CPSF1: variants seen among roughly 807,000 people sequenced by gnomAD.
The protein encoded by CPSF1 is cleavage and polyadenylation specific factor 1, also known as cleavage and polyadenylation specificity factor subunit 1.
A neutral mutation model predicts 175.8 loss-of-function variants in CPSF1; 106 were observed. That is an observed-to-expected ratio of 0.60 (90% CI 0.52 to 0.71). CPSF1 has a LOEUF of 0.71. Among genes scored for constraint, CPSF1 ranks in the 30% least tolerant of loss-of-function variants. CPSF1 has a pLI of 0.00. For missense variants in CPSF1, 1,734 were observed against 2,022.9 expected (o/e 0.86, Z 2.74); for synonymous variants, 1,024 against 858.3 (o/e 1.19, Z -3.37).
At position 144,399,370 on chromosome 8, in the gene CPSF1, G is replaced by C; in HGVS notation, c.1298C>G (p.Ala433Gly). ...CTCATCCTGCGGCACCGACTTACCC[G>C]CAGCTGCACACAGAGAGCCCACTTG... ...RVDATAGWSA[A>G]GKSVPQDEVD... Residue 433 changes from alanine to glycine, a missense_variant, in exon 14 of 38, where the codon GCG becomes GGG. By Grantham distance (60) the Ala-to-Gly change is moderately conservative. Transcript: ENST00000616140. The surrounding 1 kb of genome is among the most constrained non-coding windows in gnomAD (Gnocchi z 6.4). 1.2e-6 allele frequency: 2 copies of C among 1,612,722 alleles called. No homozygotes were observed. The highest frequency in any genetic ancestry group is 1.7e-6 in the Non-Finnish European group (2 of 1,179,954).
chr8:144,401,391 C>T (rs2116884129), intron 4 of CPSF1, 39 bp downstream of exon 4: 25 of 1,612,732 alleles, frequency 1.6e-5, no homozygotes, highest in African/African-American at 6.7e-5. Context: ...CCCACTCCCA[C>T]GCCTTGGCCA....
chr8:144,400,778 C>G lies in CPSF1; in HGVS notation c.579G>C (p.Val193=), dbSNP rs141356511. Residue 193 remains valine, a synonymous_variant, in exon 7 of 38, where the codon GTG becomes GTC. Coordinates refer to ENST00000616140, the MANE Select transcript of CPSF1 (RefSeq NM_013291.3). ...TGAGCAGCTTCTCGTCTAGGGCCCG[C>G]ACGTCGATGATGTAGCTGGGCAGGA... ...SSFLPSYIID[V]RALDEKLLNI... is the part of the protein sequence containing the mutation. 8 of 1,613,894 alleles carry G rather than the reference C, an allele frequency of 5.0e-6. No homozygotes were observed. The highest frequency in any genetic ancestry group is 2.2e-5 in the East Asian group (1 of 44,880).
intron 2 of CPSF1, among the ~76,000 whole-genome samples, chr8:144,404,505 AC>A (rs1280382658): frequency 6.6e-6 from 1 of 150,624 alleles, no homozygotes; most frequent in African/African-American, 2.4e-5. Flanking sequence ...AGCTGGGACT[AC>A]AAGCGCCCAC....
chr8:144,400,145 C>CCG (rs1554866088), intron 9 of CPSF1, 21 bp downstream of exon 9: 31 of 1,367,632 alleles, frequency 2.3e-5, no homozygotes, highest in East Asian at 1.2e-4. Context: ...GCCCCCCCCG[C>CCG]CCCAGCCACC....
chr8:144,396,085 C>T (rs1586613438), intron 26 of CPSF1: 2 of 537,336 alleles, frequency 3.7e-6, no homozygotes, highest in East Asian at 6.2e-5. Flanking sequence ...GGAGGCCAGG[C>T]CCTGCGAGGG....
rs782559336 is a variant in CPSF1, at chr8:144,393,942, G to GC, written c.3955dup (p.Ala1319GlyfsTer3). The GC allele has an allele frequency of 1.5e-5, 24 of 1,613,534 alleles. No homozygotes were observed. The highest frequency in any genetic ancestry group is 1.8e-5 in the Non-Finnish European group (21 of 1,179,848). ...CGACTTTTTGCTGAGCCCTTCAGTG[G>GC]CCCCCCGGCACGGGGTCCTCCAGAA... On this transcript the variant is annotated frameshift_variant, in exon 35 of 38. Coordinates refer to ENST00000616140, the MANE Select transcript of CPSF1 (RefSeq NM_013291.3). LOFTEE classifies it high-confidence loss of function.
At position 144,399,808 on chromosome 8, in the gene CPSF1, C is replaced by T; in HGVS notation, c.1092G>A (p.Lys364=). 6.4e-7 allele frequency: 1 copy of T among 1,561,854 alleles called. No individual in the cohort carries two copies. Residue 364 remains lysine, a synonymous_variant, in exon 11 of 38, where the codon AAG becomes AAA. Coordinates refer to ENST00000616140, the MANE Select transcript of CPSF1 (RefSeq NM_013291.3). The surrounding 1 kb of genome is among the most constrained non-coding windows in gnomAD (Gnocchi z 6.4). ...TGGTGGTGAGGACGCTGGCGGCCGC[C>T]TTGTCAAAGTGGAACGCTCGGACAC... ...MRSVRAFHFD[K]AAASVLTTSM... is the part of the protein sequence containing the mutation.
chr8:144,408,948 T>A (rs112709618), intron 2 of CPSF1, 67 bp downstream of exon 2: 18 of 1,574,180 alleles, frequency 1.1e-5, no homozygotes, highest in African/African-American at 9.5e-5. Context: ...CTCTTCCATC[T>A]GCAACCGGGG....
At chr8:144,402,078 T>C (rs1821239183) in intron 2 of CPSF1, among the ~76,000 whole-genome samples, 1 of 152,198 alleles carries the variant, frequency 6.6e-6, no homozygotes, top group Non-Finnish European at 1.5e-5. Flanking sequence ...CCAAGGGGTA[T>C]CTGTAGCTAC....
rs2116854832 is a variant in CPSF1 at position 144,398,787 on chromosome 8, T to C, written c.1630A>G (p.Lys544Glu). ...DMWTVIAPVRKEEEDNPKGEG... is the reference protein window; with the variant it reads ...DMWTVIAPVREEEEDNPKGEG... ...AGCAGGCTCGCACCTACCTCCTCCT[T>C]ACGCACCGGGGCGATGACTGTCCAC... is the stretch of plus-strand genomic sequence containing the variant. The change falls in exon 17 of 38, where the codon AAG becomes GAG. Residue 544 changes from lysine (K) to glutamate (E), a missense_variant. Lys to Glu is a moderately conservative substitution (Grantham distance 56). Coordinates refer to ENST00000616140, the MANE Select transcript of CPSF1 (RefSeq NM_013291.3). 49 of 1,598,280 alleles carry C rather than the reference T, an allele frequency of 3.1e-5. No homozygotes were observed. The highest frequency in any genetic ancestry group is 4.0e-5 in the African/African-American group (3 of 74,648).
Position 144,401,238 on chromosome 8 carries a change from C to T in CPSF1, c.360G>A (p.Leu120=). ...PGTHDLKTLS[L]HYFEEPELRD... ...GAAGCTCAGGCTCCTCAAAGTAGTG[C>T]AGTGACAGGGTCTTCAGGTCATGGG... The change falls in exon 5 of 38, where the codon CTG becomes CTA. Residue 120 remains leucine (L), a synonymous_variant. Coordinates refer to ENST00000616140, the MANE Select transcript of CPSF1 (RefSeq NM_013291.3). 2 of 1,551,316 alleles carry T rather than the reference C, an allele frequency of 1.3e-6. No homozygotes were observed. Among genetic ancestry groups the T allele is most frequent in the Non-Finnish European group, 1.7e-6 (2 of 1,147,308 alleles).
rs1820976958 is a variant in CPSF1, at chr8:144,398,878, T to G, written c.1549-10A>C. 6.2e-7 allele frequency: 1 copy of G among 1,610,146 alleles called. No homozygotes were observed. Among genetic ancestry groups the G allele is most frequent in the African/African-American group, 1.3e-5 (1 of 74,828 alleles). ...GGGGCCGGATGCTCTTCTAGAATGA[T>G]GATGGGGTGGGGGTGTGATGGGGGT... On this transcript the variant is annotated splice_polypyrimidine_tract_variant and intron_variant, in intron 16 of 37. Transcript: ENST00000616140.
At chr8:144,403,826 A>T (rs1821353219) in intron 2 of CPSF1, among the ~76,000 whole-genome samples, 1 of 151,932 alleles carries the variant, frequency 6.6e-6, no homozygotes, top group African/African-American at 2.4e-5. Context: ...CAAGGATTAT[A>T]GACATGAGCC....
At chr8:144,400,526 G>A (rs1554866342) in intron 7 of CPSF1, 33 bp from the exon 8 acceptor site, 1 of 1,611,068 alleles carries the variant, frequency 6.2e-7, no homozygotes, top group East Asian at 2.2e-5. Context: ...CAAGGGCCTT[G>A]CCTCCCCGCA....
Position 144,398,316 on chromosome 8 carries a change from C to T in CPSF1, c.1880G>A (p.Arg627His), listed in dbSNP as rs1586620059. The T allele has an allele frequency of 3.2e-6, 5 of 1,577,456 alleles. No individual in the cohort carries two copies. The highest frequency in any genetic ancestry group is 4.3e-6 in the Non-Finnish European group (5 of 1,157,316). The change falls in exon 19 of 38, where the codon CGC (arginine) becomes CAC (histidine). Residue 627 changes from arginine (R) to histidine (H), a missense_variant. Coordinates refer to ENST00000616140, the MANE Select transcript of CPSF1 (RefSeq NM_013291.3). ...CCCCCACCTACCTCCTTCCAGCAGGCGGATGCCCAGTGGTGACACTTGGAC... is the reference window on the plus strand; with the variant it reads ...CCCCCACCTACCTCCTTCCAGCAGGTGGATGCCCAGTGGTGACACTTGGAC... ...YIVQVSPLGI[R>H]LLEGVNQLHF...
chr8:144,395,275 G>A lies in CPSF1; in HGVS notation c.3177C>T (p.Thr1059=). 6.2e-7 allele frequency: 1 copy of A among 1,613,098 alleles called. No homozygotes were observed. The highest frequency in any genetic ancestry group is 8.5e-7 in the Non-Finnish European group (1 of 1,179,964). ...RMTGEEKEFE[T]IERDERYIHP... ...TGTGGGCGTCACCACCTCTCTCGATGGTCTCAAACTCCTTCTCCTCGCCAG... is the reference window on the plus strand; with the variant it reads ...TGTGGGCGTCACCACCTCTCTCGATAGTCTCAAACTCCTTCTCCTCGCCAG... The change falls in exon 28 of 38, where the codon ACC becomes ACT. Residue 1059 remains threonine, a synonymous_variant. Transcript: ENST00000616140.
Position 144,399,590 on chromosome 8 carries a change from T to C in CPSF1, c.1240A>G (p.Lys414Glu), listed in dbSNP as rs2116864385. ...PASAVREAAD[K>E]EEPPSKKKRV... ...CCCAATGGGCCCAGGAAACCCACCT[T>C]GTCGGCAGCCTCACGGACAGCACTG... Residue 414 changes from lysine (K) to glutamate (E), a missense_variant and splice_region_variant, in exon 12 of 38, where the codon AAG (lysine) becomes GAG (glutamate). By Grantham distance (56) the Lys-to-Glu change is moderately conservative. This residue lies in a region of CPSF1 where 162 missense variants were observed against 169.5 expected (regional missense o/e 0.96). Coordinates refer to ENST00000616140, the MANE Select transcript of CPSF1 (RefSeq NM_013291.3). The surrounding 1 kb of genome is among the most constrained non-coding windows in gnomAD (Gnocchi z 6.4). 4 of 1,610,544 alleles carry C rather than the reference T, an allele frequency of 2.5e-6. No individual in the cohort carries two copies. In the African/African-American group the frequency reaches 4.0e-5, roughly 16 times the overall value.
chr8:144,401,113 G>C, intron 5 of CPSF1, 38 bp from the exon 6 acceptor site: 1 of 1,596,874 alleles, frequency 6.3e-7, no homozygotes, highest in Non-Finnish European at 8.5e-7. Context: ...CCCAGCATAG[G>C]AGACCCCGAG....
rs2116850050 is a variant in CPSF1, at chr8:144,398,463, G to A, written c.1753-20C>T. ...CAGGATCTGCGGGCGACAGCTGTGA[G>A]GGAGGCGCCCCCCGCAGGGGACCCC... On this transcript the variant is annotated intron_variant, in intron 18 of 37. Transcript: ENST00000616140. 18 of 1,613,366 alleles carry A rather than the reference G, an allele frequency of 1.1e-5. No individual in the cohort carries two copies. The highest frequency in any genetic ancestry group is 1.4e-5 in the Non-Finnish European group (17 of 1,179,908).
Sources: gnomAD v4.1 joint callset for allele counts (sites outside exome capture counted in the v4.1 genomes callset) on GRCh38, gnomAD v4.1.1 for gene constraint, gnomAD v4.1.1 regional missense constraint, Gnocchi (gnomAD v3.1) non-coding constraint, MANE v1.5 for transcripts, NCBI Gene and HGNC (gene_info 2026-07-23, HGNC 2026-07-21) for gene names.